Variants in FOCAD observed in about 807,000 individuals in gnomAD.
FOCAD encodes the protein focadhesin, also known as KIAA1797.
In FOCAD, 198 loss-of-function variants were observed where a neutral mutation model predicts 225.6. The observed-to-expected ratio is 0.88, with a 90% CI of 0.78 to 0.99. The LOEUF (loss-of-function observed/expected upper bound fraction) is 0.99, where lower values mean the gene tolerates loss of function less well. Ranked by LOEUF, FOCAD falls within the 50% of genes least tolerant of loss-of-function variation. FOCAD has a pLI of 0.00. For synonymous variants in FOCAD, 897 were observed against 755.0 expected, an observed-to-expected ratio of 1.19 and a Z score of -3.08; for missense variants, 2,713 against 2,123.6, an observed-to-expected ratio of 1.28 and a Z score of -5.46.
chr9:20,969,566 C>T (rs1839577970), intron 35 of FOCAD, among the ~76,000 whole-genome samples: 1 of 152,016 alleles, frequency 6.6e-6, no homozygotes, highest in Admixed American at 6.6e-5. Flanking sequence ...AGTTCTATTT[C>T]TCCCTTTCAT....
At chr9:20,790,715 G>A (rs1444367677) in intron 11 of FOCAD, among the ~76,000 whole-genome samples, 1 of 152,142 alleles carries the variant, frequency 6.6e-6, no homozygotes, top group Non-Finnish European at 1.5e-5. Context: ...AGGTTGCAGT[G>A]AGCCGAGATT....
chr9:20,866,887 G>GGTTTTT, intron 17 of FOCAD, 42 bp from the exon 18 acceptor site: 1 of 451,116 alleles, frequency 2.2e-6, no homozygotes, highest in East Asian at 6.6e-5. Flanking sequence ...TTGTTTGCTT[G>GGTTTTT]CTTTTTTTTT....
chr9:20,940,500 G>T (rs572920597), intron 28 of FOCAD, among the ~76,000 whole-genome samples: 1 of 152,028 alleles, frequency 6.6e-6, no homozygotes, highest in Non-Finnish European at 1.5e-5. Context: ...GCCTAGGCCG[G>T]TGTTGAACTC....
At position 20,981,962 on chromosome 9, in the gene FOCAD, C is replaced by T. The variant is rs564942411; in HGVS notation, c.4638+276C>T. On this transcript the variant is annotated intron_variant, in intron 38 of 43. Coordinates refer to ENST00000338382, the MANE Select transcript of FOCAD (RefSeq NM_001375567.1). Reference sequence around the variant, plus strand: ...TTTACCAAATGCCTCTTGTAGAAGACGAGAAGGCTCAGAAGTCCTTACGCT... The same window carrying T: ...TTTACCAAATGCCTCTTGTAGAAGATGAGAAGGCTCAGAAGTCCTTACGCT... 3.3e-5 allele frequency among the ~76,000 whole-genome samples: 5 copies of T among 152,272 alleles called. No individual in the cohort carries two copies. In the South Asian group the frequency reaches 8.3e-4, roughly 25 times the overall value.
At chr9:20,854,045 G>A (rs1334105747) in intron 15 of FOCAD, among the ~76,000 whole-genome samples, 1 of 151,702 alleles carries the variant, frequency 6.6e-6, no homozygotes, top group Non-Finnish European at 1.5e-5. Flanking sequence ...CTTTAATTGT[G>A]AAGGCAGTTT....
chr9:20,864,295 A>G (rs1249668284), intron 16 of FOCAD, among the ~76,000 whole-genome samples: 12 of 152,100 alleles, frequency 7.9e-5, no homozygotes, highest in Admixed American at 5.9e-4. Context: ...CCTAAAATGT[A>G]GTCCAACCTG....
At chr9:20,758,949 C>G (rs28888154) in intron 6 of FOCAD, among the ~76,000 whole-genome samples, 1 of 152,232 alleles carries the variant, frequency 6.6e-6, no homozygotes, top group South Asian at 2.1e-4. Context: ...GTACAAAAAT[C>G]ACAAGCATTC....
At chr9:20,819,748 C>CT in intron 11 of FOCAD, 48 bp from the exon 12 acceptor site, 3 of 1,041,562 alleles carry the variant, frequency 2.9e-6, no homozygotes, top group South Asian at 1.8e-5. Context: ...TTATATATTA[C>CT]TTTTTTGTAA....
At chr9:20,923,555 G>C in intron 24 of FOCAD, 105 bp from the exon 25 acceptor site, 2 of 718,308 alleles carry the variant, frequency 2.8e-6, no homozygotes, top group Admixed American at 4.9e-5. Context: ...CTCTGTGAAG[G>C]AACACAAGTT....
At chr9:20,963,828 G>T (rs954469324) in intron 35 of FOCAD, among the ~76,000 whole-genome samples, 2 of 152,180 alleles carry the variant, frequency 1.3e-5, no homozygotes, top group African/African-American at 4.8e-5. Flanking sequence ...TAGACAACCA[G>T]TTAACTCCTA....
intron 1 of FOCAD, among the ~76,000 whole-genome samples, chr9:20,712,297 G>A (rs770965981): frequency 1.2e-4 from 18 of 152,156 alleles, no homozygotes; most frequent in Non-Finnish European, 2.1e-4. Flanking sequence ...AAAAAACGCC[G>A]TGGTAAGAAG....
At position 20,815,083 on chromosome 9, in the gene FOCAD, C is replaced by G. The variant is rs558808324; in HGVS notation, c.1456-4713C>G. Among the ~76,000 whole-genome samples the G allele has an allele frequency of 2.3e-5, 3 of 129,704 alleles. No individual in the cohort carries two copies. In the South Asian group the frequency reaches 7.6e-4, roughly 33 times the overall value. The allele number at this position is 129,704 out of a possible 152,430, so 85.1% of individuals were successfully genotyped here. A position where few individuals can be genotyped will look rare whatever the true frequency, so the allele number is the denominator to read the frequency against. The stretch of plus-strand genomic sequence containing the variant: ...GGCATGTTTAGTGGTGATGAACTCT[C>G]TCAGCTTTTGTTTATCTGGAAATAT... On this transcript the variant is annotated intron_variant, in intron 11 of 43. Transcript: ENST00000338382.
intron 28 of FOCAD, among the ~76,000 whole-genome samples, 177 bp from the exon 29 acceptor site, chr9:20,944,450 G>C (rs1450624916): frequency 6.6e-6 from 1 of 152,142 alleles, no homozygotes; most frequent in African/African-American, 2.4e-5. Context: ...TTTTCATTTT[G>C]AGGGGAGAGG....
At chr9:20,879,079 C>G (rs1830465355) in intron 19 of FOCAD, among the ~76,000 whole-genome samples, 1 of 152,076 alleles carries the variant, frequency 6.6e-6, no homozygotes, top group Non-Finnish European at 1.5e-5. Flanking sequence ...CTGGAAATAC[C>G]CTCACAACCC....
intron 18 of FOCAD, among the ~76,000 whole-genome samples, chr9:20,870,510 T>C (rs879725279): frequency 1.3e-5 from 2 of 152,208 alleles, no homozygotes; most frequent in Non-Finnish European, 2.9e-5. Flanking sequence ...TTTTTCAACT[T>C]TATGATGGTG....
intron 2 of FOCAD, among the ~76,000 whole-genome samples, chr9:20,716,865 A>G (rs1362232904): frequency 6.6e-6 from 1 of 152,188 alleles, no homozygotes; most frequent in African/African-American, 2.4e-5. Context: ...GTGTGACTAT[A>G]AAACCAAAAT....
intron 5 of FOCAD, among the ~76,000 whole-genome samples, chr9:20,747,822 G>GT (rs34772075): frequency 0.022 from 3,018 of 136,728 alleles, 44 homozygotes; most frequent in Middle Eastern, 0.053. Context: ...CATTTTTAGT[G>GT]TTTTTTTTTT....
intron 13 of FOCAD, among the ~76,000 whole-genome samples, chr9:20,820,645 T>A (rs149387572): frequency 6.6e-6 from 1 of 152,146 alleles, no homozygotes; most frequent in Non-Finnish European, 1.5e-5. Flanking sequence ...ATTTCTGAAA[T>A]GTATCTTTCC....
intron 15 of FOCAD, among the ~76,000 whole-genome samples, chr9:20,861,903 AACCAGATATTGAATGAAGAAC>A (rs1383012698): frequency 6.6e-6 from 1 of 152,156 alleles, no homozygotes; most frequent in Non-Finnish European, 1.5e-5. Flanking sequence ...CTACCCATAA[AACCAGATATTGAATGAAGAAC>A]ACTTGGTTTA....
Sources: gnomAD v4.1 joint callset for allele counts (sites outside exome capture counted in the v4.1 genomes callset) on GRCh38, gnomAD v4.1.1 for gene constraint, MANE v1.5 for transcripts, NCBI Gene and HGNC (gene_info 2026-07-23, HGNC 2026-07-21) for gene names.